Variants in PPARGC1A observed in about 807,000 individuals in gnomAD.
PPARGC1A encodes peroxisome proliferator-activated receptor gamma coactivator 1-alpha.
A neutral mutation model predicts 88.7 loss-of-function variants in PPARGC1A; 25 were observed. The ratio of observed to expected loss-of-function variants is 0.28; its 90% CI spans 0.21 to 0.39. The LOEUF is 0.39. Among genes scored for constraint, PPARGC1A ranks in the 10% least tolerant of loss-of-function variants. The pLI is 1.00. For synonymous variants in PPARGC1A, 363 were observed against 355.6 expected, an observed-to-expected ratio of 1.02 and a Z score of -0.24; for missense variants, 880 against 968.7, an observed-to-expected ratio of 0.91 and a Z score of 1.22.
the PPARGC1A span, among the ~76,000 whole-genome samples, chr4:24,039,988 C>T: frequency 1.3e-5 from 2 of 152,170 alleles, no homozygotes; most frequent in African/African-American, 4.8e-5. Flanking sequence ...CAACATAGCA[C>T]TGTCACTGTT....
the PPARGC1A span, among the ~76,000 whole-genome samples, chr4:24,126,894 G>A: frequency 6.6e-6 from 1 of 152,126 alleles, no homozygotes. Context: ...AGGAAGCTCA[G>A]GGCATCACGA....
At chr4:24,011,736 G>T in the PPARGC1A span, among the ~76,000 whole-genome samples, 2 of 152,172 alleles carry the variant, frequency 1.3e-5, no homozygotes, top group African/African-American at 4.8e-5. Context: ...TTCATCACAA[G>T]TTTGTGGCAG....
the PPARGC1A span, among the ~76,000 whole-genome samples, chr4:24,156,107 A>G: frequency 6.6e-6 from 1 of 152,186 alleles, no homozygotes; most frequent in Non-Finnish European, 1.5e-5. Context: ...GGAGATGGAT[A>G]AACTGAGCCC....
chr4:24,320,739 A>C, the PPARGC1A span, among the ~76,000 whole-genome samples: 1 of 152,166 alleles, frequency 6.6e-6, no homozygotes, highest in Non-Finnish European at 1.5e-5. Context: ...TTACATAAAA[A>C]CACCACTCCT....
the PPARGC1A span, among the ~76,000 whole-genome samples, chr4:24,173,627 T>A: frequency 6.6e-6 from 1 of 152,154 alleles, no homozygotes; most frequent in Non-Finnish European, 1.5e-5. Flanking sequence ...GCTGGAAAAG[T>A]CTGAAACATC....
chr4:23,891,943 G>A (rs56869809), upstream of PPARGC1A, among the ~76,000 whole-genome samples: 13,951 of 152,186 alleles, frequency 0.092, 985 homozygotes, highest in African/African-American at 0.2. Context: ...AAGGTCATTG[G>A]CTCTGCCCTC....
the PPARGC1A span, among the ~76,000 whole-genome samples, chr4:24,138,317 C>T: frequency 6.6e-6 from 1 of 152,174 alleles, no homozygotes; most frequent in African/African-American, 2.4e-5. Context: ...CTAGTTAAGT[C>T]AGGTCTCTCT....
chr4:24,061,519 C>T, the PPARGC1A span, among the ~76,000 whole-genome samples: 5 of 102,732 alleles, frequency 4.9e-5, no homozygotes, highest in Non-Finnish European at 1.1e-4. Flanking sequence ...GAACTGTTCT[C>T]AATGCAATAT....
At chr4:24,033,455 A>C in the PPARGC1A span, among the ~76,000 whole-genome samples, 1 of 152,230 alleles carries the variant, frequency 6.6e-6, no homozygotes, top group South Asian at 2.1e-4. Context: ...AAATTAAAGA[A>C]CAGAAGAGCA....
the PPARGC1A span, among the ~76,000 whole-genome samples, chr4:23,966,290 T>C: frequency 2.0e-5 from 3 of 152,190 alleles, no homozygotes; most frequent in Non-Finnish European, 4.4e-5. Context: ...TCTGCAATCA[T>C]GGAAATGTTC....
At chr4:24,370,125 T>A in the PPARGC1A span, among the ~76,000 whole-genome samples, 1 of 152,234 alleles carries the variant, frequency 6.6e-6, no homozygotes, top group Admixed American at 6.5e-5. Context: ...AGATGTTAAC[T>A]TTTTGGTGTT....
At chr4:23,928,606 C>T in the PPARGC1A span, among the ~76,000 whole-genome samples, 16 of 151,764 alleles carry the variant, frequency 1.1e-4, no homozygotes, top group Admixed American at 5.3e-4. Context: ...TGAGTATATG[C>T]CTAAAGGAAT....
chr4:23,850,444 T>C (rs2148661288), intron 2 of PPARGC1A, among the ~76,000 whole-genome samples: 1 of 152,336 alleles, frequency 6.6e-6, no homozygotes, highest in South Asian at 2.1e-4. Context: ...ACTCCTGCTT[T>C]GGTAGACACC....
At chr4:24,141,350 A>C in the PPARGC1A span, among the ~76,000 whole-genome samples, 2 of 152,218 alleles carry the variant, frequency 1.3e-5, no homozygotes, top group Non-Finnish European at 2.9e-5. Flanking sequence ...GCAGCTACAC[A>C]GTGGACACAG....
At chr4:24,436,148 A>G in the PPARGC1A span, among the ~76,000 whole-genome samples, 2 of 152,272 alleles carry the variant, frequency 1.3e-5, no homozygotes, top group Non-Finnish European at 2.9e-5. Context: ...CCCAGCCAGG[A>G]TAAAAGTGAA....
the PPARGC1A span, among the ~76,000 whole-genome samples, chr4:24,454,850 C>T: frequency 6.6e-6 from 1 of 151,294 alleles, no homozygotes; most frequent in Non-Finnish European, 1.5e-5. Context: ...TTTTGAAATA[C>T]AAATCTGAAA....
the PPARGC1A span, among the ~76,000 whole-genome samples, chr4:24,017,588 A>T: frequency 6.6e-6 from 1 of 152,174 alleles, no homozygotes; most frequent in Non-Finnish European, 1.5e-5. Context: ...ATTAAGGCAG[A>T]AATGGGTGTC....
At chr4:23,979,302 T>G in the PPARGC1A span, among the ~76,000 whole-genome samples, 1 of 152,222 alleles carries the variant, frequency 6.6e-6, no homozygotes, top group East Asian at 1.9e-4. Flanking sequence ...TTTTAAGGGA[T>G]ACTTTCTCCT....
chr4:24,360,133 C>T, the PPARGC1A span, among the ~76,000 whole-genome samples: 2 of 152,138 alleles, frequency 1.3e-5, no homozygotes, highest in South Asian at 2.1e-4. Flanking sequence ...CTATAGCTGC[C>T]ACTCATTTCA....
Sources: gnomAD v4.1 joint callset for allele counts (sites outside exome capture counted in the v4.1 genomes callset) on GRCh38, gnomAD v4.1.1 for gene constraint, MANE v1.5 for transcripts, NCBI Gene and HGNC (gene_info 2026-07-23, HGNC 2026-07-21) for gene names.